Variants in CLINT1 observed in about 807,000 individuals in gnomAD.
CLINT1 encodes the protein clathrin interacting protein localized in the trans-Golgi region.
Under a neutral mutation model 70.4 loss-of-function variants are expected in CLINT1, and 15 were observed. The ratio of observed to expected loss-of-function variants is 0.21; its 90% confidence interval spans 0.14 to 0.33. CLINT1 has a LOEUF of 0.33. Ranked by LOEUF, CLINT1 falls within the 10% of genes least tolerant of loss-of-function variation. The pLI is 1.00. For synonymous variants in CLINT1, 227 were observed against 254.7 expected, an observed-to-expected ratio of 0.89 and a Z score of 1.04; for missense variants, 615 against 778.1, an observed-to-expected ratio of 0.79 and a Z score of 2.49.
intron 4 of CLINT1, among the ~76,000 whole-genome samples, chr5:157,813,544 C>T (rs1020324645): frequency 2.0e-5 from 3 of 152,108 alleles, no homozygotes; most frequent in African/African-American, 7.2e-5. Flanking sequence ...TAGACATATC[C>T]ATAAGTGCTA....
chr5:157,806,616 T>G (rs1720995171), intron 6 of CLINT1, among the ~76,000 whole-genome samples: 1 of 152,146 alleles, frequency 6.6e-6, no homozygotes, highest in Non-Finnish European at 1.5e-5. Context: ...CAATGGATGC[T>G]AAAAAAATCA....
chr5:157,848,465 T>G (rs1753457234), intron 1 of CLINT1, among the ~76,000 whole-genome samples: 1 of 152,014 alleles, frequency 6.6e-6, no homozygotes, highest in Non-Finnish European at 1.5e-5. Flanking sequence ...AGTGGGCAAC[T>G]TAGCTGATAA....
chr5:157,794,220 T>C (rs1046365411), intron 9 of CLINT1, among the ~76,000 whole-genome samples: 19 of 152,162 alleles, frequency 1.2e-4, no homozygotes, highest in African/African-American at 2.7e-4. Context: ...TTTTAGAAAG[T>C]TGAAGGCTCG....
intron 1 of CLINT1, among the ~76,000 whole-genome samples, chr5:157,853,328 G>A (rs1315883508): frequency 6.7e-6 from 1 of 149,678 alleles, no homozygotes; most frequent in Non-Finnish European, 1.5e-5. Context: ...GGGAGACAGA[G>A]CAAGACTCCA....
In CLINT1 at chr5:157,855,016, C is replaced by T. The variant is rs745863743; in HGVS notation, c.41+3914G>A. On this transcript the variant is annotated intron_variant, in intron 1 of 11. Coordinates refer to ENST00000411809, the MANE Select transcript of CLINT1 (RefSeq NM_014666.4). ...AAAATTAGCCAGGCATGGAGGTAGA[C>T]GCCTGTAATCCCAGCTACTCGGGAG... is the stretch of plus-strand genomic sequence containing the variant. Among the ~76,000 whole-genome samples, 12 of 151,938 alleles carry T rather than the reference C, an allele frequency of 7.9e-5. No individual in the cohort carries two copies. In the East Asian group the frequency reaches 1.5e-3, roughly 20 times the overall value.
intron 11 of CLINT1, 21 bp downstream of exon 11, chr5:157,789,342 G>A (rs1426702447): frequency 6.2e-7 from 1 of 1,603,328 alleles, no homozygotes; most frequent in Non-Finnish European, 8.5e-7. Flanking sequence ...CAAAGAAGTG[G>A]GACGTCTTAA....
intron 1 of CLINT1, among the ~76,000 whole-genome samples, chr5:157,851,986 C>T (rs898146977): frequency 4.6e-5 from 7 of 152,270 alleles, no homozygotes; most frequent in African/African-American, 1.7e-4. Flanking sequence ...AATGTGCTTT[C>T]CTTGTATATA....
rs766183796 is a variant in CLINT1 at position 157,787,659 on chromosome 5, T to C, written c.1865A>G (p.Asn622Ser). The part of the protein sequence containing the change: ...PKQDAFANFA[N>S]FSK ...TTTTACAATCTCTTATTTGCTAAAA[T>C]TGGCGAAATTTGCAAAGGCATCTTG... is the stretch of plus-strand genomic sequence containing the variant. The change falls in exon 12 of 12, where the codon AAT (asparagine) becomes AGT (serine). Residue 622 changes from asparagine (N) to serine (S), a missense_variant. Around this residue, in one of 2 missense-constraint regions of CLINT1, gnomAD observed 374 missense variants for 409.6 expected, o/e 0.91. Coordinates refer to ENST00000411809, the MANE Select transcript of CLINT1 (RefSeq NM_014666.4). 19 of 1,613,108 alleles carry C rather than the reference T, an allele frequency of 1.2e-5. No homozygotes were observed. Among genetic ancestry groups the C allele is most frequent in the Admixed American group, 8.3e-5 (5 of 59,958 alleles).
intron 1 of CLINT1, among the ~76,000 whole-genome samples, chr5:157,835,810 T>A (rs1353130177): frequency 6.6e-6 from 1 of 152,204 alleles, no homozygotes; most frequent in Non-Finnish European, 1.5e-5. Flanking sequence ...AATGACCCCT[T>A]GCCAAGACTT....
chr5:157,843,366 T>G (rs1392834590), intron 1 of CLINT1, among the ~76,000 whole-genome samples: 2 of 152,198 alleles, frequency 1.3e-5, no homozygotes, highest in Non-Finnish European at 2.9e-5. Context: ...ATCTTAAGAC[T>G]GCTTGACATA....
intron 1 of CLINT1, among the ~76,000 whole-genome samples, chr5:157,830,131 A>G (rs147283336): frequency 6.6e-6 from 1 of 151,830 alleles, no homozygotes; most frequent in Non-Finnish European, 1.5e-5. Context: ...TATTTTTTGT[A>G]GAGATGGGGT....
rs1232522204 is a variant in CLINT1, at chr5:157,793,108, G to A, written c.1088-1113C>T. 5.3e-5 allele frequency among the ~76,000 whole-genome samples: 8 copies of A among 152,068 alleles called. No individual in the cohort carries two copies. In the East Asian group the frequency reaches 1.5e-3, roughly 29 times the overall value. ...ACCATATTAAAATGTAAGCACCCTT[G>A]AAAGAGAAAATAATTCACTTAGAAA... On this transcript the variant is annotated intron_variant, in intron 9 of 11. Coordinates refer to ENST00000411809, the MANE Select transcript of CLINT1 (RefSeq NM_014666.4).
Position 157,794,939 on chromosome 5 carries a change from T to G in CLINT1, c.1046A>C (p.Asp349Ala), listed in dbSNP as rs370713541. ...GCCTGATGCAGCAGCTGAGCCAAAG[T>G]CAGCAAATCCTCCGAATAAATCAGC... ...GSADLFGGFA[D>A]FGSAAASGSF... is the part of the protein sequence containing the mutation. The change falls in exon 9 of 12, where the codon GAC becomes GCC. Residue 349 changes from aspartate (D) to alanine (A), a missense_variant. Physicochemically the swap from Asp to Ala is moderately radical, Grantham distance 126. Coordinates refer to ENST00000411809, the MANE Select transcript of CLINT1 (RefSeq NM_014666.4). 3.2e-6 allele frequency: 5 copies of G among 1,556,688 alleles called. No individual in the cohort carries two copies. Among genetic ancestry groups the G allele is most frequent in the Non-Finnish European group, 4.3e-6 (5 of 1,149,678 alleles).
intron 8 of CLINT1, among the ~76,000 whole-genome samples, chr5:157,801,214 G>A (rs750467858): frequency 2.4e-4 from 37 of 152,054 alleles, no homozygotes; most frequent in Non-Finnish European, 4.4e-4. Context: ...AAGAATTTCA[G>A]AAAGTAGGCT....
At chr5:157,812,691 G>T (rs1762600611) in intron 5 of CLINT1, among the ~76,000 whole-genome samples, 1 of 152,148 alleles carries the variant, frequency 6.6e-6, no homozygotes, top group African/African-American at 2.4e-5. Context: ...TAGAAAGATG[G>T]ATCTCCTGAT....
intron 1 of CLINT1, among the ~76,000 whole-genome samples, chr5:157,833,069 G>T (rs1264913921): frequency 1.3e-5 from 2 of 152,172 alleles, no homozygotes; most frequent in East Asian, 1.9e-4. Context: ...CAGAAGTCCA[G>T]GCCAGGCGCG....
chr5:157,832,213 C>G (rs555666419), intron 1 of CLINT1, among the ~76,000 whole-genome samples: 5 of 151,490 alleles, frequency 3.3e-5, no homozygotes, highest in Admixed American at 6.6e-5. Flanking sequence ...GAACTCTTGA[C>G]CTCAAGTCAT....
intron 1 of CLINT1, among the ~76,000 whole-genome samples, chr5:157,857,349 T>C (rs751668562): frequency 1.2e-4 from 19 of 152,158 alleles, no homozygotes; most frequent in African/African-American, 4.6e-4. Flanking sequence ...CTGGAAAAGA[T>C]CTAGTTTATT....
intron 9 of CLINT1, among the ~76,000 whole-genome samples, 170 bp downstream of exon 9, chr5:157,794,728 G>T (rs1762016862): frequency 1.3e-5 from 2 of 152,104 alleles, no homozygotes. Context: ...AATTCATTTG[G>T]CACATTTAAG....
Sources: allele counts gnomAD v4.1 joint callset (sites outside exome capture counted in the v4.1 genomes callset), GRCh38; gene constraint gnomAD v4.1.1; regional missense constraint gnomAD v4.1.1; transcripts MANE v1.5; gene names NCBI Gene and HGNC (gene_info 2026-07-23, HGNC 2026-07-21).